Variants in WDHD1 observed in about 807,000 individuals in gnomAD.
WDHD1 encodes the protein WD repeat and HMG-box DNA binding protein 1.
WDHD1 carries 111 observed loss-of-function variants against 135.4 expected under a neutral mutation model. That is an observed-to-expected ratio of 0.82 (90% CI 0.70 to 0.96). The LOEUF is 0.96. Among genes scored for constraint, WDHD1 ranks in the 40% least tolerant of loss-of-function variants. The probability of loss-of-function intolerance (pLI) is 0.00; values close to 1 mark genes in which losing one functional copy is unlikely to be tolerated. For missense variants in WDHD1, 1,351 were observed against 1,336.3 expected (o/e 1.01, Z -0.17); for synonymous variants, 434 against 439.0 (o/e 0.99, Z 0.14).
chr14:54,991,366 G>C lies in WDHD1; in HGVS notation c.1188C>G (p.Leu396=). 6.2e-7 allele frequency: 1 copy of C among 1,614,152 alleles called. No homozygotes were observed. Among genetic ancestry groups the C allele is most frequent in the African/African-American group, 1.3e-5 (1 of 75,042 alleles). ...ISMLKTGSSL[L]KEEEEDGQEG... ...CTTGACCATCTTCCTCCTCCTCTTT[G>C]AGAAGACTAGAACCAGTTTTTAGCA... Residue 396 remains leucine (L), a synonymous_variant, in exon 12 of 26, where the codon CTC becomes CTG. Coordinates refer to ENST00000360586, the MANE Select transcript of WDHD1 (RefSeq NM_007086.4).
intron 7 of WDHD1, among the ~76,000 whole-genome samples, chr14:55,002,874 G>A (rs1293569290): frequency 1.3e-5 from 2 of 152,040 alleles, no homozygotes; most frequent in African/African-American, 4.8e-5. Flanking sequence ...ATTACAGCGT[G>A]AGACACCATG....
At chr14:54,978,899 C>G (rs1285436879) in intron 16 of WDHD1, among the ~76,000 whole-genome samples, 2 of 152,176 alleles carry the variant, frequency 1.3e-5, no homozygotes, top group African/African-American at 4.8e-5. Flanking sequence ...TGCATTTGTG[C>G]CTATTTTTTT....
At chr14:55,023,261 T>C (rs1269206111) in intron 2 of WDHD1, among the ~76,000 whole-genome samples, 3 of 152,196 alleles carry the variant, frequency 2.0e-5, no homozygotes, top group East Asian at 1.9e-4. Context: ...CACATTAGAG[T>C]CTATAGCTAT....
intron 15 of WDHD1, among the ~76,000 whole-genome samples, chr14:54,982,912 C>A (rs183959576): frequency 2.0e-5 from 3 of 152,246 alleles, no homozygotes; most frequent in Admixed American, 1.3e-4. Flanking sequence ...CTCCTGTAAT[C>A]CCAGCACTTT....
chr14:55,000,410 T>C, intron 10 of WDHD1, 93 bp downstream of exon 10: 1 of 1,311,812 alleles, frequency 7.6e-7, no homozygotes, highest in East Asian at 2.7e-5. Flanking sequence ...GAAAGGTAAT[T>C]TTCCAAGAAA....
At chr14:55,013,463 T>TTGATATGAAA in intron 3 of WDHD1, 22 bp downstream of exon 3, 2 of 1,499,264 alleles carry the variant, frequency 1.3e-6, no homozygotes, top group Non-Finnish European at 9.3e-7. Context: ...TTCATATCAA[T>TTGATATGAAA]TGATATAACT....
chr14:54,962,659 T>C, intron 20 of WDHD1, 79 bp downstream of exon 20: 2 of 1,558,978 alleles, frequency 1.3e-6, no homozygotes, highest in Non-Finnish European at 1.8e-6. Flanking sequence ...GAGTATTCAA[T>C]TTCCCTCAGT....
intron 2 of WDHD1, among the ~76,000 whole-genome samples, chr14:55,023,727 A>G (rs2042387337): frequency 6.6e-6 from 1 of 152,234 alleles, no homozygotes; most frequent in Non-Finnish European, 1.5e-5. Context: ...ATACAACCTC[A>G]TACAGTGTTT....
At chr14:54,982,861 G>A (rs2041640458) in intron 15 of WDHD1, among the ~76,000 whole-genome samples, 1 of 152,138 alleles carries the variant, frequency 6.6e-6, no homozygotes, top group African/African-American at 2.4e-5. Context: ...GATGACAGGT[G>A]ATTTAAAATA....
rs1415180841 is a variant in WDHD1, at chr14:54,941,317, T to C, written c.*173A>G. The C allele has an allele frequency of 1.4e-5, 7 of 489,864 alleles. No individual in the cohort carries two copies. Among genetic ancestry groups the C allele is most frequent in the Non-Finnish European group, 2.4e-5 (7 of 295,256 alleles). The allele number at this position is 489,864 out of a possible 1,614,324, so 30.3% of individuals were successfully genotyped here. A position where few individuals can be genotyped will look rare whatever the true frequency, so the allele number is the denominator to read the frequency against. ...AGTAATCTGCAAAGATGATAGTTTT[T>C]ACATATGTCCTGTTACCTACACCAA... On this transcript the variant is annotated 3_prime_UTR_variant, in exon 26 of 26. Transcript: ENST00000360586.
chr14:54,976,795 A>G (rs928034809), intron 16 of WDHD1, among the ~76,000 whole-genome samples: 1 of 152,020 alleles, frequency 6.6e-6, no homozygotes, highest in Admixed American at 6.6e-5. Context: ...AAAAAAAAAG[A>G]AAAATATTCT....
At chr14:55,012,382 G>T (rs1017105998) in intron 3 of WDHD1, among the ~76,000 whole-genome samples, 1 of 152,098 alleles carries the variant, frequency 6.6e-6, no homozygotes, top group African/African-American at 2.4e-5. Flanking sequence ...AAGCTTAGGG[G>T]TTTATAGATA....
intron 24 of WDHD1, among the ~76,000 whole-genome samples, chr14:54,949,386 G>C (rs1359045265): frequency 6.6e-6 from 1 of 152,106 alleles, no homozygotes; most frequent in East Asian, 1.9e-4. Flanking sequence ...TCAATCAACT[G>C]GAAGAAAGGG....
intron 24 of WDHD1, among the ~76,000 whole-genome samples, chr14:54,946,823 C>T (rs117546374): frequency 0.033 from 5,074 of 152,124 alleles, 128 homozygotes; most frequent in Middle Eastern, 0.078. Context: ...ATGGGCAAAT[C>T]GCTTGAGGCC....
At chr14:55,013,395 A>G in intron 3 of WDHD1, 90 bp downstream of exon 3, 1 of 827,302 alleles carries the variant, frequency 1.2e-6, no homozygotes. Context: ...AAACAAAGGT[A>G]TATCTATATT....
At chr14:54,948,929 C>T (rs543672547) in intron 24 of WDHD1, among the ~76,000 whole-genome samples, 3 of 152,198 alleles carry the variant, frequency 2.0e-5, no homozygotes, top group African/African-American at 7.2e-5. Context: ...AACAGACCTG[C>T]AGCTGAGGGT....
At chr14:54,977,635 C>CA (rs2041546727) in intron 16 of WDHD1, among the ~76,000 whole-genome samples, 1 of 152,092 alleles carries the variant, frequency 6.6e-6, no homozygotes, top group Non-Finnish European at 1.5e-5. Flanking sequence ...GACTCTTGTT[C>CA]AAGTCCAGCC....
At chr14:55,018,946 CT>C (rs2042301501) in intron 2 of WDHD1, among the ~76,000 whole-genome samples, 1 of 152,132 alleles carries the variant, frequency 6.6e-6, no homozygotes, top group Non-Finnish European at 1.5e-5. Flanking sequence ...TTGCTTGAAC[CT>C]GGGAGGCAGA....
At chr14:54,962,221 G>T (rs546237528) in intron 21 of WDHD1, among the ~76,000 whole-genome samples, 3 of 152,184 alleles carry the variant, frequency 2.0e-5, no homozygotes, top group African/African-American at 7.2e-5. Context: ...CTTCTCAGCT[G>T]GGCTAAAATA....
Sources: gnomAD v4.1 joint callset for allele counts (sites outside exome capture counted in the v4.1 genomes callset) on GRCh38, gnomAD v4.1.1 for gene constraint, MANE v1.5 for transcripts, NCBI Gene and HGNC (gene_info 2026-07-23, HGNC 2026-07-21) for gene names.